Variants in FBXW7 observed in about 807,000 individuals in gnomAD.
FBXW7 encodes the protein F-box and WD repeat domain containing 7, also known as F-box/WD repeat-containing protein 7.
In FBXW7, 11 loss-of-function variants were observed where a neutral mutation model predicts 86.3. The ratio of observed to expected loss-of-function variants is 0.13; its 90% CI spans 0.08 to 0.21. The LOEUF is 0.21. Ranked by LOEUF, FBXW7 falls within the 10% of genes least tolerant of loss-of-function variation. FBXW7 has a pLI of 1.00. For synonymous variants in FBXW7, 313 were observed against 297.9 expected (o/e 1.05, Z -0.52); for missense variants, 488 against 847.4 (o/e 0.58, Z 5.27).
At chr4:152,421,396 A>C (rs1738927302) in intron 2 of FBXW7, among the ~76,000 whole-genome samples, 1 of 152,088 alleles carries the variant, frequency 6.6e-6, no homozygotes, top group South Asian at 2.1e-4. Context: ...AGCACTTTTA[A>C]TTTCCTTCAA....
At chr4:152,384,299 GAATA>G (rs1467104245) in intron 4 of FBXW7, among the ~76,000 whole-genome samples, 49 of 152,132 alleles carry the variant, frequency 3.2e-4, no homozygotes, top group African/African-American at 9.9e-4. Flanking sequence ...ATGAATGAAT[GAATA>G]AACAAAATGT....
At chr4:152,330,906 A>C (rs1385051820) in intron 8 of FBXW7, 38 bp from the exon 9 acceptor site, 2 of 1,596,092 alleles carry the variant, frequency 1.3e-6, no homozygotes, top group African/African-American at 1.4e-5. Flanking sequence ...TGCCTTCACC[A>C]ATAATAACAG....
intron 6 of FBXW7, among the ~76,000 whole-genome samples, chr4:152,344,272 C>T (rs1731036293): frequency 6.6e-6 from 1 of 152,100 alleles, no homozygotes; most frequent in Non-Finnish European, 1.5e-5. Context: ...GGGCAGTGTA[C>T]AACAATGAGG....
intron 4 of FBXW7, among the ~76,000 whole-genome samples, chr4:152,354,284 A>G (rs1732146394): frequency 6.6e-6 from 1 of 152,068 alleles, no homozygotes; most frequent in South Asian, 2.1e-4. Context: ...AACAATATGT[A>G]TATGTACTCA....
At chr4:152,370,419 C>T (rs1242791308) in intron 4 of FBXW7, among the ~76,000 whole-genome samples, 7 of 151,838 alleles carry the variant, frequency 4.6e-5, no homozygotes, top group Non-Finnish European at 8.8e-5. Flanking sequence ...AATATTTAAC[C>T]TTTTCTGTCT....
intron 6 of FBXW7, among the ~76,000 whole-genome samples, chr4:152,343,971 T>C (rs1043296170): frequency 6.6e-6 from 1 of 152,138 alleles, no homozygotes; most frequent in Non-Finnish European, 1.5e-5. Context: ...TAGATGGAAC[T>C]GGACCAAAGC....
chr4:152,404,907 A>G (rs2126854132), intron 4 of FBXW7, among the ~76,000 whole-genome samples: 1 of 152,102 alleles, frequency 6.6e-6, no homozygotes, highest in East Asian at 2.0e-4. Flanking sequence ...AGGGTGGGCA[A>G]CATAGTAAGA....
intron 2 of FBXW7, among the ~76,000 whole-genome samples, chr4:152,421,502 A>C (rs543641223): frequency 6.6e-6 from 1 of 152,282 alleles, no homozygotes; most frequent in Non-Finnish European, 1.5e-5. Flanking sequence ...GTTCAAGAAC[A>C]GCCTGATCAA....
intron 8 of FBXW7, 131 bp downstream of exon 8, chr4:152,332,465 C>T: frequency 1.1e-6 from 1 of 916,910 alleles, no homozygotes; most frequent in Non-Finnish European, 1.4e-6. Context: ...TTCGGCTCAT[C>T]TGAATGTGTA....
chr4:152,479,362 A>G (rs574835818), intron 2 of FBXW7, among the ~76,000 whole-genome samples: 19 of 152,268 alleles, frequency 1.2e-4, no homozygotes, highest in Admixed American at 9.8e-4. Flanking sequence ...TCTCAAAGAT[A>G]TCTATTTTTA....
At chr4:152,377,904 T>C (rs1408688971) in intron 4 of FBXW7, among the ~76,000 whole-genome samples, 1 of 151,986 alleles carries the variant, frequency 6.6e-6, no homozygotes, top group Non-Finnish European at 1.5e-5. Flanking sequence ...CACCATAAAA[T>C]GAAACTTACA....
intron 2 of FBXW7, among the ~76,000 whole-genome samples, chr4:152,421,226 C>A (rs1426288501): frequency 6.6e-6 from 1 of 152,210 alleles, no homozygotes; most frequent in Non-Finnish European, 1.5e-5. Context: ...TTCCTCCCCT[C>A]TTACCCTTCA....
chr4:152,500,594 C>T (rs1022704284), intron 2 of FBXW7, among the ~76,000 whole-genome samples: 4 of 151,622 alleles, frequency 2.6e-5, no homozygotes, highest in Non-Finnish European at 5.9e-5. Context: ...AGTCTGACTC[C>T]AGTTACAGGT....
chr4:152,344,533 GTT>G (rs11354395), intron 6 of FBXW7, among the ~76,000 whole-genome samples: 2 of 142,812 alleles, frequency 1.4e-5, no homozygotes, highest in South Asian at 2.2e-4. Flanking sequence ...ATTGAATACA[GTT>G]TTTTTTTTTT....
chr4:152,364,002 G>A (rs1022313011), intron 4 of FBXW7, among the ~76,000 whole-genome samples: 7 of 152,142 alleles, frequency 4.6e-5, no homozygotes, highest in African/African-American at 1.7e-4. Flanking sequence ...AATGTGTGAT[G>A]TGAATATGAA....
intron 2 of FBXW7, among the ~76,000 whole-genome samples, chr4:152,469,858 C>T (rs2149649174): frequency 6.6e-6 from 1 of 152,172 alleles, no homozygotes. Flanking sequence ...AATTTACACT[C>T]ACTATTGTAA....
rs1180742612 is a variant in FBXW7 at position 152,535,142 on chromosome 4, T to A, written c.-228A>T. On this transcript the variant is annotated 5_prime_UTR_variant, in exon 1 of 14. Transcript: ENST00000281708. Reference sequence around the variant, plus strand: ...CCCCGCTTACCTCCTCTTTTCCTCTTCCTGGGTCTTTTCAGGCTGCGGCTT... The same window carrying A: ...CCCCGCTTACCTCCTCTTTTCCTCTACCTGGGTCTTTTCAGGCTGCGGCTT... 2 of 154,074 alleles carry A rather than the reference T, an allele frequency of 1.3e-5. No individual in the cohort carries two copies. Among genetic ancestry groups the A allele is most frequent in the Non-Finnish European group, 2.9e-5 (2 of 69,514 alleles). The allele number at this position is 154,074 out of a possible 1,614,324, so 9.5% of individuals were successfully genotyped here. A position where few individuals can be genotyped will look rare whatever the true frequency, so the allele number is the denominator to read the frequency against.
chr4:152,328,243 A>G lies in FBXW7; in HGVS notation c.1383T>C (p.Thr461=), dbSNP rs2126513336. Residue 461 remains threonine (T), a synonymous_variant, in exon 11 of 14, where the codon ACT becomes ACC. Coordinates refer to ENST00000281708, the MANE Select transcript of FBXW7 (RefSeq NM_001349798.2). ...GAAGATGCATACAACGCACAGTGGA[A>G]GTATGCCCATATAAGGTGTGTATAC... The part of the protein sequence containing the change: ...GECIHTLYGH[T]STVRCMHLHE... 1 of 1,598,054 alleles carries G rather than the reference A, an allele frequency of 6.3e-7. No individual in the cohort carries two copies.
intron 2 of FBXW7, among the ~76,000 whole-genome samples, chr4:152,440,597 A>G (rs141034294): frequency 1.2e-3 from 184 of 152,308 alleles, no homozygotes; most frequent in African/African-American, 4.2e-3. Context: ...AAAACTTCTT[A>G]TGATTTTCTG....
Sources: gnomAD v4.1 joint callset for allele counts (sites outside exome capture counted in the v4.1 genomes callset) on GRCh38, gnomAD v4.1.1 for gene constraint, MANE v1.5 for transcripts, NCBI Gene and HGNC (gene_info 2026-07-23, HGNC 2026-07-21) for gene names.